UTP6: variants seen among roughly 807,000 people sequenced by gnomAD.
The protein encoded by UTP6 is U3 small nucleolar RNA-associated protein 6 homolog.
UTP6 carries 60 observed loss-of-function variants against 96.5 expected under a neutral mutation model. The observed-to-expected ratio is 0.62, with a 90% CI of 0.51 to 0.77. The LOEUF (loss-of-function observed/expected upper bound fraction) is 0.77, where lower values mean the gene tolerates loss of function less well. UTP6 is among the 30% of genes least tolerant of loss of function. The pLI is 0.00. For synonymous variants in UTP6, 215 were observed against 240.1 expected (o/e 0.90, Z 0.96); for missense variants, 637 against 706.5 (o/e 0.90, Z 1.12).
intron 5 of UTP6, among the ~76,000 whole-genome samples, chr17:31,892,543 AAC>A (rs1904382201): frequency 6.6e-6 from 1 of 152,234 alleles, no homozygotes; most frequent in African/African-American, 2.4e-5. Flanking sequence ...GTATTGAACA[AAC>A]ACACGTAAAA....
At chr17:31,873,310 T>C in intron 16 of UTP6, 68 bp downstream of exon 16, 1 of 1,432,074 alleles carries the variant, frequency 7.0e-7, no homozygotes. Context: ...GTGATTCAAA[T>C]AATCTGGGTA....
intron 16 of UTP6, 58 bp downstream of exon 16, chr17:31,873,320 A>T: frequency 1.3e-6 from 2 of 1,487,338 alleles, no homozygotes; most frequent in Non-Finnish European, 1.9e-6. Context: ...TAATCTGGGT[A>T]TGAGCGGCTG....
intron 17 of UTP6, among the ~76,000 whole-genome samples, chr17:31,866,042 T>C (rs1487612321): frequency 6.6e-6 from 1 of 152,066 alleles, no homozygotes; most frequent in Admixed American, 6.6e-5. Context: ...TTTTTAAAAA[T>C]GTATTCTTGC....
At chr17:31,880,506 G>T (rs781018214) in intron 11 of UTP6, 67 bp downstream of exon 11, 2 of 1,600,366 alleles carry the variant, frequency 1.2e-6, no homozygotes, top group South Asian at 1.1e-5. Context: ...AATGGGAACA[G>T]GAGCTTAAGT....
At chr17:31,880,487 G>T in intron 11 of UTP6, 86 bp downstream of exon 11, 25 of 1,424,410 alleles carry the variant, frequency 1.8e-5, no homozygotes, top group Non-Finnish European at 2.2e-5. Context: ...CCCCAATATT[G>T]ATTTTGGCAA....
intron 4 of UTP6, 111 bp from the exon 5 acceptor site, chr17:31,892,905 G>T: frequency 8.0e-7 from 1 of 1,244,156 alleles, no homozygotes; most frequent in South Asian, 1.3e-5. Context: ...GGATGCGGTG[G>T]CTCACACCTG....
Position 31,863,129 on chromosome 17 carries a change from C to T in UTP6, c.*230G>A, listed in dbSNP as rs571722538. 4.0e-6 allele frequency: 2 copies of T among 496,148 alleles called. No individual in the cohort carries two copies. The highest frequency in any genetic ancestry group is 7.2e-6 in the Non-Finnish European group (2 of 279,672). The allele number at this position is 496,148 out of a possible 1,614,324, so 30.7% of individuals were successfully genotyped here. On this transcript the variant is annotated 3_prime_UTR_variant, in exon 19 of 19. Transcript: ENST00000261708. ...TCTGAGGTGAGAAGGTCACTTGAGTCCAGGAGTTCAAGACCAGCCAGGGCA... is the reference window on the plus strand; with the variant it reads ...TCTGAGGTGAGAAGGTCACTTGAGTTCAGGAGTTCAAGACCAGCCAGGGCA...
At chr17:31,899,868 G>A (rs1373769486) in intron 1 of UTP6, 138 bp from the exon 2 acceptor site, 11 of 647,172 alleles carry the variant, frequency 1.7e-5, no homozygotes, top group East Asian at 3.3e-5. Context: ...ATTATCGGCC[G>A]GACACAGTGG....
intron 13 of UTP6, among the ~76,000 whole-genome samples, chr17:31,875,760 T>C (rs1428887166): frequency 6.6e-6 from 1 of 150,608 alleles, no homozygotes; most frequent in Non-Finnish European, 1.5e-5. Context: ...GAGGTGGAGA[T>C]TGCAGTGAGC....
At chr17:31,875,140 T>C in intron 14 of UTP6, 94 bp downstream of exon 14, 2 of 1,439,906 alleles carry the variant, frequency 1.4e-6, no homozygotes, top group Non-Finnish European at 1.9e-6. Flanking sequence ...ACTCTAGAGT[T>C]GGCTCTCAAT....
At chr17:31,894,450 C>T (rs1482677513) in intron 4 of UTP6, among the ~76,000 whole-genome samples, 195 bp downstream of exon 4, 1 of 151,920 alleles carries the variant, frequency 6.6e-6, no homozygotes, top group Non-Finnish European at 1.5e-5. Context: ...CATAGAATAA[C>T]TATAAGGTAA....
chr17:31,878,922 A>T, intron 11 of UTP6, 141 bp from the exon 12 acceptor site: 1 of 732,202 alleles, frequency 1.4e-6, no homozygotes, highest in Non-Finnish European at 2.2e-6. Flanking sequence ...GAAGAGTTTA[A>T]ATCAGCCTGA....
At position 31,878,775 on chromosome 17, in the gene UTP6, A is replaced by G. The variant is rs763771062; in HGVS notation, c.974T>C (p.Met325Thr). 1.2e-6 allele frequency: 2 copies of G among 1,614,078 alleles called. No individual in the cohort carries two copies. Among genetic ancestry groups the G allele is most frequent in the South Asian group, 1.1e-5 (1 of 91,084 alleles). ...GCAAAAGGTGATGTAACACTTCCAC[A>G]TGGCCTCTGGAAAAGTCAGAAAGAT... ...EAVKTLPTEA[M>T]WKCYITFCLE... Residue 325 changes from methionine (M) to threonine (T), a missense_variant, in exon 12 of 19, where the codon ATG (methionine) becomes ACG (threonine). Coordinates refer to ENST00000261708, the MANE Select transcript of UTP6 (RefSeq NM_018428.3).
chr17:31,892,284 A>G lies in UTP6; in HGVS notation c.400T>C (p.Leu134=), dbSNP rs34859443. The change falls in exon 6 of 19, where the codon TTG becomes CTG. Residue 134 remains leucine (L), a synonymous_variant. Coordinates refer to ENST00000261708, the MANE Select transcript of UTP6 (RefSeq NM_018428.3). ...TRLSKVFSAM[L]AIHSNKPALW... ...CCTGGTTTGTTGGAATGAATCGCCA[A>G]CATGGCAGAGAATACCTTGCTAAGT... The G allele has an allele frequency of 8.7e-6, 14 of 1,614,190 alleles. No homozygotes were observed. Among genetic ancestry groups the G allele is most frequent in the Admixed American group, 1.7e-5 (1 of 60,024 alleles).
At chr17:31,880,826 C>T (rs1184050027) in intron 10 of UTP6, 72 bp from the exon 11 acceptor site, 1 of 1,586,270 alleles carries the variant, frequency 6.3e-7, no homozygotes, top group African/African-American at 1.4e-5. Context: ...AAACAGTTAC[C>T]TGTGCTTAAA....
intron 6 of UTP6, 92 bp from the exon 7 acceptor site, chr17:31,889,495 A>ATT (rs375193627): frequency 8.4e-3 from 4,457 of 532,846 alleles, no homozygotes; most frequent in Middle Eastern, 0.011. Flanking sequence ...TACTCGCACA[A>ATT]TTTTTTTTTT....
intron 13 of UTP6, among the ~76,000 whole-genome samples, chr17:31,875,632 G>A (rs185056147): frequency 2.6e-5 from 4 of 151,990 alleles, no homozygotes; most frequent in East Asian, 3.9e-4. Context: ...AGACCATCCC[G>A]GCCAACATGG....
chr17:31,861,805 G>A lies in UTP6; in HGVS notation c.*1554C>T, dbSNP rs777383032. The A allele has an allele frequency of 3.9e-5, 6 of 152,088 alleles. No homozygotes were observed. Among genetic ancestry groups the A allele is most frequent in the Admixed American group, 1.3e-4 (2 of 15,258 alleles). 9.4% of individuals were successfully genotyped at this position (152,088 alleles called of 1,614,324 possible). A position where few individuals can be genotyped will look rare whatever the true frequency, so the allele number is the denominator to read the frequency against. On this transcript the variant is annotated 3_prime_UTR_variant, in exon 19 of 19. Transcript: ENST00000261708. ...ATATAATTACACCAGTACAGGTAAGGGTACTGACACTTTCATGTATTGCTT... is the reference window on the plus strand; with the variant it reads ...ATATAATTACACCAGTACAGGTAAGAGTACTGACACTTTCATGTATTGCTT...
At chr17:31,875,121 G>C in intron 14 of UTP6, 113 bp downstream of exon 14, 2 of 1,253,196 alleles carry the variant, frequency 1.6e-6, no homozygotes, top group South Asian at 2.9e-5. Flanking sequence ...CCACTGAATA[G>C]CAAATGCCAC....
Sources: allele counts gnomAD v4.1 joint callset (sites outside exome capture counted in the v4.1 genomes callset), GRCh38; gene constraint gnomAD v4.1.1; transcripts MANE v1.5; gene names NCBI Gene and HGNC (gene_info 2026-07-23, HGNC 2026-07-21).